C9orf78: variants seen among roughly 807,000 people sequenced by gnomAD.
C9orf78 encodes the protein splicing factor C9orf78.
In C9orf78, 19 loss-of-function variants were observed where a neutral mutation model predicts 37.4. That is an observed-to-expected ratio of 0.51 (90% CI 0.35 to 0.74). C9orf78 has a LOEUF of 0.74. C9orf78 is among the 30% of genes least tolerant of loss of function. The pLI is 0.01. For synonymous variants in C9orf78, 130 were observed against 128.0 expected, an observed-to-expected ratio of 1.02 and a Z score of -0.10; for missense variants, 291 against 370.8, an observed-to-expected ratio of 0.78 and a Z score of 1.77.
chr9:129,835,066 C>T, intron 1 of C9orf78, 73 bp downstream of exon 1: 1 of 1,191,492 alleles, frequency 8.4e-7, no homozygotes, highest in Non-Finnish European at 1.2e-6. Context: ...GTCAGCGAAG[C>T]GCCGAGCCGG....
intron 2 of C9orf78, chr9:129,834,114 T>A (rs918367821): frequency 8.6e-6 from 2 of 231,678 alleles, no homozygotes; most frequent in Non-Finnish European, 1.7e-5. Flanking sequence ...TGTTAACAAA[T>A]TACAATACAC....
At chr9:129,831,133 C>G (rs1322099131) in intron 5 of C9orf78, 65 bp from the exon 6 acceptor site, 1 of 974,522 alleles carries the variant, frequency 1.0e-6, no homozygotes, top group Non-Finnish European at 1.7e-6. Context: ...TCCTCTAAAT[C>G]AGTGGTCCCC....
intron 8 of C9orf78, 34 bp from the exon 9 acceptor site, chr9:129,828,286 C>A: frequency 7.8e-7 from 1 of 1,282,600 alleles, no homozygotes; most frequent in South Asian, 1.2e-5. Flanking sequence ...GGTGGTTTGC[C>A]ATGCTGGAAC....
At position 129,828,088 on chromosome 9, in the gene C9orf78, C is replaced by G. The variant is rs1220544522; in HGVS notation, c.*73G>C. 5.7e-6 allele frequency: 5 copies of G among 881,038 alleles called. No individual in the cohort carries two copies. The highest frequency in any genetic ancestry group is 9.3e-6 in the Non-Finnish European group (5 of 536,192). 54.6% of individuals were successfully genotyped at this position (881,038 alleles called of 1,614,324 possible). A position where few individuals can be genotyped will look rare whatever the true frequency, so the allele number is the denominator to read the frequency against. On this transcript the variant is annotated 3_prime_UTR_variant, in exon 9 of 9. Coordinates refer to ENST00000372447, the MANE Select transcript of C9orf78 (RefSeq NM_016520.3). ...GATTACAGGCAGGAGCCACCACGCC[C>G]GGCCAGGAAGCCATTTTTCATGGGA...
At chr9:129,833,337 C>T (rs914121331) in intron 4 of C9orf78, 110 bp downstream of exon 4, 3 of 701,046 alleles carry the variant, frequency 4.3e-6, no homozygotes. Flanking sequence ...ACAAAACCTG[C>T]TTCAAGATGT....
chr9:129,830,797 A>C, intron 6 of C9orf78, 74 bp downstream of exon 6: 7 of 1,046,350 alleles, frequency 6.7e-6, no homozygotes, highest in Non-Finnish European at 1.0e-5. Context: ...GGCATGAGCC[A>C]CCGTGCCTGG....
Position 129,830,878 on chromosome 9 carries a change from C to T in C9orf78, c.535G>A (p.Gly179Ser). The T allele has an allele frequency of 1.9e-6, 3 of 1,610,954 alleles. No homozygotes were observed. The highest frequency in any genetic ancestry group is 2.5e-6 in the Non-Finnish European group (3 of 1,177,140). Residue 179 changes from glycine to serine, a missense_variant, in exon 6 of 9, where the codon GGC (glycine) becomes AGC (serine). Gly to Ser is a moderately conservative substitution (Grantham distance 56). Transcript: ENST00000372447. Reference sequence around the variant, plus strand: ...TAGGGGTCTCAAACATACTCGATGCCCAGGTCCACCTCAGGAATGCCACTC... The same window carrying T: ...TAGGGGTCTCAAACATACTCGATGCTCAGGTCCACCTCAGGAATGCCACTC... ...MLSGIPEVDL[G>S]IDAKIKNIIS...
At chr9:129,833,762 C>T in intron 2 of C9orf78, 53 bp from the exon 3 acceptor site, 1 of 1,356,422 alleles carries the variant, frequency 7.4e-7, no homozygotes, top group Admixed American at 1.8e-5. Flanking sequence ...TGGCATAATT[C>T]AGAGATAAGG....
chr9:129,831,870 TCA>T, intron 5 of C9orf78, 24 bp downstream of exon 5: 1 of 1,234,430 alleles, frequency 8.1e-7, no homozygotes, highest in Non-Finnish European at 1.2e-6. Context: ...CCCCAACTGC[TCA>T]CAGCCAAACA....
At position 129,828,074 on chromosome 9, in the gene C9orf78, G is replaced by T. The variant is rs1806989; in HGVS notation, c.*87C>A. On this transcript the variant is annotated 3_prime_UTR_variant, in exon 9 of 9. Transcript: ENST00000372447. ...TCCCAAAGTGCTGGGATTACAGGCA[G>T]GAGCCACCACGCCCGGCCAGGAAGC... 0.24 allele frequency: 174,204 copies of T among 735,544 alleles called. 21,024 individuals carry two copies. Among genetic ancestry groups the T allele is most frequent in the South Asian group, 0.27 (19,603 of 72,050 alleles). The allele number at this position is 735,544 out of a possible 1,614,324, so 45.6% of individuals were successfully genotyped here.
chr9:129,831,434 A>G (rs747202871), intron 5 of C9orf78: 74 of 265,004 alleles, frequency 2.8e-4, no homozygotes, highest in Non-Finnish European at 3.6e-5. Context: ...TTTATTTTTT[A>G]TATTTTGGAG....
Position 129,833,520 on chromosome 9 carries a change from G to A in C9orf78, c.196-3C>T, listed in dbSNP as rs1433315721. On this transcript the variant is annotated splice_polypyrimidine_tract_variant and splice_region_variant and intron_variant, in intron 3 of 8. Transcript: ENST00000372447. ...GTCTTCATCTGAAAGGGATCATCCT[G>A]CAGAAAGCAAACACAGTTAAGAGGA... The A allele has an allele frequency of 2.5e-6, 4 of 1,598,706 alleles. No homozygotes were observed. In the African/African-American group the frequency reaches 5.4e-5, roughly 21 times the overall value.
At position 129,828,141 on chromosome 9, in the gene C9orf78, T is replaced by G; in HGVS notation, c.*20A>C. ...GATATAGGGAGAGGAAGGCGATATT[T>G]ACATCCCACTCTGCACAACTCAGTA... On this transcript the variant is annotated 3_prime_UTR_variant, in exon 9 of 9. Transcript: ENST00000372447. 1 of 1,412,510 alleles carries G rather than the reference T, an allele frequency of 7.1e-7. No individual in the cohort carries two copies. The highest frequency in any genetic ancestry group is 1.0e-6 in the Non-Finnish European group (1 of 999,188). The allele number at this position is 1,412,510 out of a possible 1,614,324, so 87.5% of individuals were successfully genotyped here.
At chr9:129,834,942 G>A (rs1399066705) in intron 1 of C9orf78, 176 bp from the exon 2 acceptor site, 4 of 662,056 alleles carry the variant, frequency 6.0e-6, no homozygotes, top group South Asian at 1.8e-5. Context: ...GAGCCACTGC[G>A]CATCCCGGAG....
chr9:129,835,096 G>T (rs779841642), intron 1 of C9orf78, 43 bp downstream of exon 1: 2 of 1,457,730 alleles, frequency 1.4e-6, no homozygotes, highest in Non-Finnish European at 1.9e-6. Context: ...CCCCAAACAA[G>T]TCTATCTTTA....
rs763305603 is a variant in C9orf78, at chr9:129,830,909, C to T, written c.504G>A (p.Gln168=). ...CCACCTCAGGAATGCCACTCAGCAT[C>T]TGGTTGGAAAGCATCTCCTCGGTCT... The part of the protein sequence containing the change: ...AKKTEEMLSN[Q]MLSGIPEVDL... Residue 168 remains glutamine (Q), a synonymous_variant, in exon 6 of 9, where the codon CAG becomes CAA. Coordinates refer to ENST00000372447, the MANE Select transcript of C9orf78 (RefSeq NM_016520.3). The T allele has an allele frequency of 6.2e-7, 1 of 1,614,030 alleles. No homozygotes were observed. Among genetic ancestry groups the T allele is most frequent in the Non-Finnish European group, 8.5e-7 (1 of 1,179,866 alleles).
Position 129,829,289 on chromosome 9 carries a change from GCTC to G in C9orf78, c.691_693del (p.Glu231del), listed in dbSNP as rs2031428597. On this transcript the variant is annotated inframe_deletion, in exon 8 of 9. Coordinates refer to ENST00000372447, the MANE Select transcript of C9orf78 (RefSeq NM_016520.3). ...TTGTTTCTCCGTATGGGCGCGTTGA[GCTC>G]CTCATGATAAACTGGACCCAAAGAG... 4 of 1,608,298 alleles carry G rather than the reference GCTC, an allele frequency of 2.5e-6. No individual in the cohort carries two copies. Among genetic ancestry groups the G allele is most frequent in the Non-Finnish European group, 2.5e-6 (3 of 1,177,346 alleles).
At chr9:129,833,864 A>G (rs148628159) in intron 2 of C9orf78, 155 bp from the exon 3 acceptor site, 6 of 629,576 alleles carry the variant, frequency 9.5e-6, no homozygotes, top group African/African-American at 7.3e-5. Context: ...GCCTATAAGC[A>G]TAAGACAGGG....
At chr9:129,828,973 G>C in intron 8 of C9orf78, 1 of 616,032 alleles carries the variant, frequency 1.6e-6, no homozygotes, top group South Asian at 1.8e-5. Context: ...GAGAATATGA[G>C]AGAGTATGAA....
Sources: gnomAD v4.1 joint callset for allele counts on GRCh38, gnomAD v4.1.1 for gene constraint, MANE v1.5 for transcripts, NCBI Gene and HGNC (gene_info 2026-07-23, HGNC 2026-07-21) for gene names.